KIAA1958: variants seen among roughly 807,000 people sequenced by gnomAD.
KIAA1958 encodes uncharacterized protein KIAA1958.
KIAA1958 carries 14 observed loss-of-function variants against 47.2 expected under a neutral mutation model. The ratio of observed to expected loss-of-function variants is 0.30; its 90% CI spans 0.20 to 0.46. KIAA1958 has a LOEUF of 0.46. Among genes scored for constraint, KIAA1958 ranks in the 20% least tolerant of loss-of-function variants. The pLI, the probability that KIAA1958 is intolerant of heterozygous loss-of-function variation, is 1.00. For missense variants in KIAA1958, 803 were observed against 909.2 expected, an observed-to-expected ratio of 0.88 and a Z score of 1.50; for synonymous variants, 354 against 353.3, an observed-to-expected ratio of 1.00 and a Z score of -0.02.
intron 1 of KIAA1958, among the ~76,000 whole-genome samples, chr9:112,552,842 CGGCATGGAGCTGTGTACCATTCAAGTT>C (rs1008110378): frequency 5.3e-5 from 8 of 152,092 alleles, no homozygotes; most frequent in Admixed American, 3.3e-4. Context: ...CAATTCAAGT[CGGCATGGAGCTGTGTACCATTCAAGTT>C]GGCATGGAGC....
chr9:112,582,125 C>A, intron 2 of KIAA1958: 1 of 156,964 alleles, frequency 6.4e-6, no homozygotes. Flanking sequence ...GCGTGACAGT[C>A]ACACTGTCAC....
At chr9:112,592,459 C>T (rs1190433526) in intron 2 of KIAA1958, among the ~76,000 whole-genome samples, 2 of 152,190 alleles carry the variant, frequency 1.3e-5, no homozygotes, top group African/African-American at 4.8e-5. Context: ...GGGCAAATTA[C>T]TTAAGCTTTC....
At chr9:112,576,087 G>A (rs137868285) in intron 2 of KIAA1958, among the ~76,000 whole-genome samples, 272 of 152,260 alleles carry the variant, frequency 1.8e-3, no homozygotes, top group Non-Finnish European at 3.0e-3. Flanking sequence ...TCTCAAAAAC[G>A]TCGTGTATTT....
chr9:112,638,438 G>T (rs1836842693), intron 2 of KIAA1958, among the ~76,000 whole-genome samples: 1 of 151,980 alleles, frequency 6.6e-6, no homozygotes, highest in Non-Finnish European at 1.5e-5. Flanking sequence ...GGAGCACGAG[G>T]CTGCAATGAG....
At chr9:112,656,267 G>A (rs565349322) in intron 3 of KIAA1958, among the ~76,000 whole-genome samples, 54 of 151,148 alleles carry the variant, frequency 3.6e-4, no homozygotes, top group Non-Finnish European at 7.5e-4. Context: ...TCAGCTACTC[G>A]GGAGGCTGAG....
At chr9:112,657,859 CTTT>C (rs762027454) in intron 3 of KIAA1958, among the ~76,000 whole-genome samples, 3 of 143,628 alleles carry the variant, frequency 2.1e-5, no homozygotes, top group Admixed American at 7.0e-5. Context: ...CTTTTTCTTC[CTTT>C]TTTTTTTTTT....
intron 2 of KIAA1958, among the ~76,000 whole-genome samples, chr9:112,607,726 G>A (rs1429713156): frequency 4.3e-5 from 3 of 69,948 alleles, no homozygotes; most frequent in Non-Finnish European, 8.2e-5. Flanking sequence ...TTGATAAAAA[G>A]ATAATCATTT....
At chr9:112,595,714 T>G (rs1836013080) in intron 2 of KIAA1958, among the ~76,000 whole-genome samples, 1 of 151,332 alleles carries the variant, frequency 6.6e-6, no homozygotes. Context: ...TTACTAACAT[T>G]TAATATATTG....
rs1490869566 is a variant in KIAA1958 at position 112,667,547 on chromosome 9, G to T, written c.*7478G>T. On this transcript the variant is annotated 3_prime_UTR_variant, in exon 4 of 4. Coordinates refer to ENST00000337530, the MANE Select transcript of KIAA1958 (RefSeq NM_133465.4). ...GCCGAGATTGCACCACTGCACTCCA[G>T]CCTGGGCAACAGAGTGAGACTCCAT... 6.6e-6 allele frequency: 1 copy of T among 152,152 alleles called. No individual in the cohort carries two copies. The highest frequency in any genetic ancestry group is 1.5e-5 in the Non-Finnish European group (1 of 68,050). The allele number at this position is 152,152 out of a possible 1,614,324, so 9.4% of individuals were successfully genotyped here. A position where few individuals can be genotyped will look rare whatever the true frequency, so the allele number is the denominator to read the frequency against.
chr9:112,567,314 A>G, intron 1 of KIAA1958, among the ~76,000 whole-genome samples: 1 of 152,200 alleles, frequency 6.6e-6, no homozygotes, highest in Non-Finnish European at 1.5e-5. Context: ...AATAATAAGG[A>G]TCCCTGAAGC....
At chr9:112,505,455 C>T (rs1479149461) in intron 1 of KIAA1958, among the ~76,000 whole-genome samples, 1 of 152,142 alleles carries the variant, frequency 6.6e-6, no homozygotes, top group Admixed American at 6.5e-5. Flanking sequence ...TATATTATTA[C>T]TGAGGCTTAA....
At chr9:112,550,397 G>C (rs1287402262) in intron 1 of KIAA1958, among the ~76,000 whole-genome samples, 1 of 152,052 alleles carries the variant, frequency 6.6e-6, no homozygotes, top group Non-Finnish European at 1.5e-5. Flanking sequence ...GTTACTGAAG[G>C]GGCATTTAAA....
intron 1 of KIAA1958, among the ~76,000 whole-genome samples, chr9:112,570,694 A>C (rs771482023): frequency 6.6e-6 from 1 of 152,238 alleles, no homozygotes; most frequent in Admixed American, 6.5e-5. Context: ...AATCTGTATT[A>C]GTCAAGATTC....
intron 3 of KIAA1958, among the ~76,000 whole-genome samples, chr9:112,654,648 C>T (rs1008426036): frequency 1.3e-5 from 2 of 149,172 alleles, no homozygotes; most frequent in Non-Finnish European, 3.0e-5. Flanking sequence ...ATAAAGAGAG[C>T]TTACCACCTG....
At chr9:112,553,125 TCCTCC>T (rs1237083381) in intron 1 of KIAA1958, among the ~76,000 whole-genome samples, 307 of 137,110 alleles carry the variant, frequency 2.2e-3, no homozygotes, top group Non-Finnish European at 3.9e-3. Flanking sequence ...TCCTCTCCTC[TCCTCC>T]CCTCCCCTCC....
intron 3 of KIAA1958, among the ~76,000 whole-genome samples, chr9:112,649,772 A>G (rs1294342035): frequency 6.6e-6 from 1 of 152,218 alleles, no homozygotes; most frequent in Non-Finnish European, 1.5e-5. Flanking sequence ...TAAAAAATGA[A>G]GATCAAATAA....
chr9:112,656,975 T>G (rs567991900), intron 3 of KIAA1958, among the ~76,000 whole-genome samples: 1 of 152,360 alleles, frequency 6.6e-6, no homozygotes, highest in Non-Finnish European at 1.5e-5. Context: ...TCTCACTCTC[T>G]TTATAAAAAA....
intron 2 of KIAA1958, among the ~76,000 whole-genome samples, chr9:112,590,336 C>G (rs1033233884): frequency 1.3e-5 from 2 of 151,504 alleles, no homozygotes; most frequent in African/African-American, 2.4e-5. Context: ...ACCCATCAAG[C>G]TCCAGACACC....
chr9:112,651,504 C>T (rs1214659278), intron 3 of KIAA1958, among the ~76,000 whole-genome samples: 1 of 151,668 alleles, frequency 6.6e-6, no homozygotes, highest in East Asian at 1.9e-4. Flanking sequence ...AAATGATTCT[C>T]ATGCCTCAGC....
Sources: allele counts gnomAD v4.1 joint callset (sites outside exome capture counted in the v4.1 genomes callset), GRCh38; gene constraint gnomAD v4.1.1; transcripts MANE v1.5; gene names NCBI Gene and HGNC (gene_info 2026-07-23, HGNC 2026-07-21).